Variants in PGAP1 observed in about 807,000 individuals in gnomAD.
The protein encoded by PGAP1 is post-GPI attachment to proteins inositol deacylase 1.
A neutral mutation model predicts 127.0 loss-of-function variants in PGAP1; 76 were observed. The ratio of observed to expected loss-of-function variants is 0.60; its 90% CI spans 0.50 to 0.72. PGAP1 has a LOEUF of 0.72. Among genes scored for constraint, PGAP1 ranks in the 30% least tolerant of loss-of-function variants. PGAP1 has a pLI of 0.00. For missense variants in PGAP1, 982 were observed against 1,071.3 expected (o/e 0.92, Z 1.16); for synonymous variants, 362 against 366.5 (o/e 0.99, Z 0.14).
chr2:196,876,022 CA>C (rs1006936395), intron 13 of PGAP1, among the ~76,000 whole-genome samples: 14 of 152,052 alleles, frequency 9.2e-5, no homozygotes, highest in Admixed American at 8.5e-4. Context: ...ACTTGATATA[CA>C]AGCCTAACTT....
chr2:196,895,218 T>A (rs545349232), intron 7 of PGAP1, among the ~76,000 whole-genome samples: 1 of 152,330 alleles, frequency 6.6e-6, no homozygotes, highest in African/African-American at 2.4e-5. Context: ...AGAATTATAA[T>A]TTATTACATA....
In PGAP1 at chr2:196,872,473, T is replaced by C. The variant is rs1701437781; in HGVS notation, c.1696A>G (p.Lys566Glu). Reference protein sequence around the residue: ...PENNTHVALFKMYTSSDCRYE... With the variant: ...PENNTHVALFEMYTSSDCRYE... The stretch of plus-strand genomic sequence containing the variant: ...CGACAGTCTGATGACGTGTACATTT[T>C]AAATAATGCCACATGGGTATTGTTT... Residue 566 changes from lysine to glutamate, a missense_variant, in exon 18 of 27, where the codon AAA becomes GAA. Coordinates refer to ENST00000354764, the MANE Select transcript of PGAP1 (RefSeq NM_024989.4). The C allele has an allele frequency of 3.7e-6, 6 of 1,612,726 alleles. No individual in the cohort carries two copies. Among genetic ancestry groups the C allele is most frequent in the Non-Finnish European group, 5.1e-6 (6 of 1,178,744 alleles).
chr2:196,875,877 A>G, intron 13 of PGAP1, 56 bp from the exon 14 acceptor site: 1 of 871,224 alleles, frequency 1.1e-6, no homozygotes, highest in Non-Finnish European at 1.8e-6. Context: ...ACAGTAAAGT[A>G]TCTTTACTTG....
chr2:196,857,520 C>A (rs1047845549), intron 20 of PGAP1, among the ~76,000 whole-genome samples: 6 of 152,142 alleles, frequency 3.9e-5, no homozygotes, highest in African/African-American at 1.4e-4. Flanking sequence ...CAAGGGATAT[C>A]AAAATCTAAC....
chr2:196,847,922 C>A, intron 21 of PGAP1, 25 bp downstream of exon 21: 2 of 1,418,224 alleles, frequency 1.4e-6, no homozygotes, highest in South Asian at 2.8e-5. Context: ...CAATTAAAAT[C>A]ATTATCACAG....
Position 196,841,006 on chromosome 2 carries a change from C to T in PGAP1, c.*228G>A, listed in dbSNP as rs929264637. 7 of 465,598 alleles carry T rather than the reference C, an allele frequency of 1.5e-5. No individual in the cohort carries two copies. Among genetic ancestry groups the T allele is most frequent in the Non-Finnish European group, 2.3e-5 (6 of 263,422 alleles). The allele number at this position is 465,598 out of a possible 1,614,324, so 28.8% of individuals were successfully genotyped here. On this transcript the variant is annotated 3_prime_UTR_variant, in exon 27 of 27. Transcript: ENST00000354764. ...TGATAGTGATCACCATATATCCCTT[C>T]ATGAATTTTTCAAAAATGATTACTA...
At position 196,835,880 on chromosome 2, in the gene PGAP1, A is replaced by C. The variant is rs1310293152; in HGVS notation, c.*5354T>G. 1 of 152,198 alleles carries C rather than the reference A, an allele frequency of 6.6e-6. No individual in the cohort carries two copies. The highest frequency in any genetic ancestry group is 1.5e-5 in the Non-Finnish European group (1 of 67,890). 9.4% of individuals were successfully genotyped at this position (152,198 alleles called of 1,614,324 possible). On this transcript the variant is annotated 3_prime_UTR_variant, in exon 27 of 27. Transcript: ENST00000354764. ...AGAACGAGTGCAACACGAAATACAA[A>C]ATATGCCTATCATGTAGGCTTTTGA...
rs1211623182 is a variant in PGAP1, at chr2:196,839,216, C to T, written c.*2018G>A. On this transcript the variant is annotated 3_prime_UTR_variant, in exon 27 of 27. Transcript: ENST00000354764. ...ATTAATGAATTTTCTAAAGTTCTTT[C>T]TGTATATGGAACTAAGTCCAAATTC... is the stretch of plus-strand genomic sequence containing the variant. 6.6e-6 allele frequency: 1 copy of T among 152,588 alleles called. No homozygotes were observed. Among genetic ancestry groups the T allele is most frequent in the Admixed American group, 6.5e-5 (1 of 15,274 alleles). 9.5% of individuals were successfully genotyped at this position (152,588 alleles called of 1,614,324 possible).
chr2:196,842,109 A>C (rs978611651), intron 26 of PGAP1, among the ~76,000 whole-genome samples: 3 of 151,934 alleles, frequency 2.0e-5, no homozygotes. Flanking sequence ...GAGTATAAAG[A>C]GAAAAATACT....
chr2:196,898,940 T>C (rs1013223248), intron 5 of PGAP1, among the ~76,000 whole-genome samples: 5 of 145,688 alleles, frequency 3.4e-5, no homozygotes, highest in Non-Finnish European at 7.6e-5. Flanking sequence ...AAAAAAAAAA[T>C]CCCTAGCTGA....
intron 2 of PGAP1, among the ~76,000 whole-genome samples, chr2:196,918,908 C>G (rs1046440170): frequency 3.3e-5 from 5 of 152,118 alleles, no homozygotes; most frequent in Non-Finnish European, 7.4e-5. Context: ...TTATATTTTT[C>G]TTACCCAAAG....
chr2:196,916,558 C>T lies in PGAP1; in HGVS notation c.337G>A (p.Glu113Lys). The change falls in exon 3 of 27, where the codon GAG becomes AAG. Residue 113 changes from glutamate (E) to lysine (K), a missense_variant. Physicochemically the swap from Glu to Lys is moderately conservative, Grantham distance 56. Transcript: ENST00000354764. ...AAGTGGTACTTGAAGTCAATGTCCT[C>T]TGCTTTTCTAAGTGCAATGGAGCCA... is the stretch of plus-strand genomic sequence containing the variant. The part of the protein sequence containing the change: ...SIGSIALRKA[E>K]DIDFKYHFDF... The T allele has an allele frequency of 1.2e-6, 2 of 1,612,808 alleles. No individual in the cohort carries two copies. The highest frequency in any genetic ancestry group is 1.7e-6 in the Non-Finnish European group (2 of 1,179,460).
At chr2:196,877,672 A>G (rs1701608526) in intron 13 of PGAP1, 1 of 152,118 alleles carries the variant, frequency 6.6e-6, no homozygotes, top group African/African-American at 2.4e-5. Flanking sequence ...ATTATAAGGT[A>G]CTTGTGAGAT....
At chr2:196,890,959 G>T in intron 9 of PGAP1, 48 bp from the exon 10 acceptor site, 1 of 945,990 alleles carries the variant, frequency 1.1e-6, no homozygotes, top group Non-Finnish European at 1.7e-6. Flanking sequence ...GAGCAGATTA[G>T]TTTCATCATT....
chr2:196,878,492 G>A (rs1207823485), intron 13 of PGAP1, among the ~76,000 whole-genome samples: 7 of 152,136 alleles, frequency 4.6e-5, no homozygotes, highest in Non-Finnish European at 1.0e-4. Flanking sequence ...ATCCCCACCT[G>A]TCAGAAAGTT....
rs751478892 is a variant in PGAP1 at position 196,873,747 on chromosome 2, T to C, written c.1438A>G (p.Arg480Gly). The C allele has an allele frequency of 1.5e-5, 24 of 1,609,388 alleles. No individual in the cohort carries two copies. The South Asian group carries it at 2.2e-4, about 15-fold the overall frequency. Residue 480 changes from arginine to glycine, a missense_variant, in exon 15 of 27, where the codon AGG becomes GGG. Transcript: ENST00000354764. Reference sequence around the variant, plus strand: ...CCATTTGTATTTAACACCACTTTCCTTGAAGACAATCCTGTTGAATTCAAA... The same window carrying C: ...CCATTTGTATTTAACACCACTTTCCCTGAAGACAATCCTGTTGAATTCAAA... The part of the protein sequence containing the change: ...THLFSFGLSS[R>G]KVVLNTNGLY...
At chr2:196,888,421 CCA>C (rs1701989532) in intron 10 of PGAP1, among the ~76,000 whole-genome samples, 1 of 151,976 alleles carries the variant, frequency 6.6e-6, no homozygotes, top group Admixed American at 6.6e-5. Flanking sequence ...AATAGGCGAT[CCA>C]CAGCTCTACT....
rs1334582239 is a variant in PGAP1 at position 196,848,017 on chromosome 2, T to G, written c.1882A>C (p.Thr628Pro). The stretch of plus-strand genomic sequence containing the variant: ...GGTTTGGCTTCTTTATCCAACATGG[T>G]AGCATATTCTAAGCAACAACCTGGT... ...FSTGCCLEYATMLDKEAKPYK... is the reference protein window; with the variant it reads ...FSTGCCLEYAPMLDKEAKPYK... The change falls in exon 21 of 27, where the codon ACC becomes CCC. Residue 628 changes from threonine (T) to proline (P), a missense_variant. By Grantham distance (38) the Thr-to-Pro change is conservative. Transcript: ENST00000354764. The G allele has an allele frequency of 6.3e-7, 1 of 1,599,984 alleles. No individual in the cohort carries two copies. The highest frequency in any genetic ancestry group is 8.5e-7 in the Non-Finnish European group (1 of 1,175,220).
At chr2:196,907,164 T>G (rs1258637061) in intron 4 of PGAP1, among the ~76,000 whole-genome samples, 1 of 18,492 alleles carries the variant, frequency 5.4e-5, no homozygotes, top group Non-Finnish European at 9.6e-5. Flanking sequence ...TTCACCAAAG[T>G]TGAAATGAAG....
Sources: gnomAD v4.1 joint callset for allele counts (sites outside exome capture counted in the v4.1 genomes callset) on GRCh38, gnomAD v4.1.1 for gene constraint, MANE v1.5 for transcripts, NCBI Gene and HGNC (gene_info 2026-07-23, HGNC 2026-07-21) for gene names.